The following PRELID2 variants were observed in gnomAD, a reference collection of about 807,000 sequenced individuals.
PRELID2 encodes the protein PRELI domain containing 2.
A neutral mutation model predicts 28.4 loss-of-function variants in PRELID2; 25 were observed. That is an observed-to-expected ratio of 0.88 (90% confidence interval 0.64 to 1.23). PRELID2 has a LOEUF of 1.23. Among genes scored for constraint, PRELID2 ranks in the 50% most tolerant of loss-of-function variants. PRELID2 has a pLI of 0.00. For synonymous variants in PRELID2, 76 were observed against 71.6 expected (o/e 1.06, Z -0.31); for missense variants, 201 against 214.4 (o/e 0.94, Z 0.39).
chr5:145,704,548 C>T (rs1218867059), intron 1 of PRELID2, among the ~76,000 whole-genome samples: 2 of 152,166 alleles, frequency 1.3e-5, no homozygotes, highest in Non-Finnish European at 2.9e-5. Context: ...TAATTTCTTC[C>T]TCTGTAAAAT....
chr5:145,646,200 G>A (rs1311986216), intron 1 of PRELID2, among the ~76,000 whole-genome samples: 1 of 152,072 alleles, frequency 6.6e-6, no homozygotes, highest in Admixed American at 6.5e-5. Context: ...TTTTCACATA[G>A]TCTCATATTT....
intron 1 of PRELID2, among the ~76,000 whole-genome samples, chr5:145,630,226 A>T (rs547341979): frequency 3.7e-4 from 57 of 152,086 alleles, no homozygotes; most frequent in African/African-American, 1.2e-3. Flanking sequence ...CTCTCTAAAG[A>T]CCATTGGGTT....
chr5:145,645,338 C>CTT lies in PRELID2; in HGVS notation n.70+119591_70+119592dup, dbSNP rs35732947. On this transcript the variant is annotated intron_variant and non_coding_transcript_variant, in intron 1 of 2. Transcript: ENST00000510259. ...TCAGAGATTAGGATTGCAACTCCTG[C>CTT]TTTTTTTTTTTTTTTTTTTTTTTTT... is the stretch of plus-strand genomic sequence containing the variant. Among the ~76,000 whole-genome samples the CTT allele has an allele frequency of 1.9e-3, 91 of 47,854 alleles. 5 individuals are homozygous for CTT. Among genetic ancestry groups the CTT allele is most frequent in the African/African-American group, 6.8e-3 (57 of 8,404 alleles). The allele number at this position is 47,854 out of a possible 152,430, so 31.4% of individuals were successfully genotyped here.
chr5:145,663,567 G>A (rs1754533650), intron 1 of PRELID2, among the ~76,000 whole-genome samples: 1 of 152,130 alleles, frequency 6.6e-6, no homozygotes, highest in Admixed American at 6.5e-5. Flanking sequence ...ATTTGGTAGT[G>A]AAACAACTAC....
chr5:145,619,360 G>A (rs1753743354), intron 1 of PRELID2, among the ~76,000 whole-genome samples: 1 of 152,224 alleles, frequency 6.6e-6, no homozygotes, highest in African/African-American at 2.4e-5. Flanking sequence ...GACGCAGGAA[G>A]CTCCCAGGGC....
chr5:145,706,243 G>C (rs1014909868), intron 1 of PRELID2, among the ~76,000 whole-genome samples: 1 of 152,150 alleles, frequency 6.6e-6, no homozygotes, highest in Non-Finnish European at 1.5e-5. Flanking sequence ...GCTCCGGGTC[G>C]CACTGGAAGC....
At chr5:145,253,030 A>G in the PRELID2 span, among the ~76,000 whole-genome samples, 1 of 152,188 alleles carries the variant, frequency 6.6e-6, no homozygotes, top group African/African-American at 2.4e-5. Context: ...AGGAAGCAAC[A>G]GAAAGAGAGA....
Position 145,500,716 on chromosome 5 carries a change from T to A in PRELID2, n.71-27401A>T, listed in dbSNP as rs188350629. Among the ~76,000 whole-genome samples, 8 of 152,222 alleles carry A rather than the reference T, an allele frequency of 5.3e-5. No homozygotes were observed. The East Asian group carries it at 1.5e-3, about 29-fold the overall frequency. ...TGTAGGAAAGAGAGGGAAGAGTAGCTTGGGCACGAGGCATCAAAAGAAGCA... is the reference window on the plus strand; with the variant it reads ...TGTAGGAAAGAGAGGGAAGAGTAGCATGGGCACGAGGCATCAAAAGAAGCA... On this transcript the variant is annotated intron_variant and non_coding_transcript_variant, in intron 1 of 2. Coordinates refer to the PRELID2 transcript ENST00000510259.
chr5:145,688,448 A>T (rs17103621), intron 1 of PRELID2, among the ~76,000 whole-genome samples: 15,024 of 152,194 alleles, frequency 0.099, 1,027 homozygotes, highest in Admixed American at 0.2. Flanking sequence ...TCAGCTACCT[A>T]TTGAGTTCTA....
At chr5:145,252,199 T>C in the PRELID2 span, among the ~76,000 whole-genome samples, 1 of 152,134 alleles carries the variant, frequency 6.6e-6, no homozygotes, top group Non-Finnish European at 1.5e-5. Flanking sequence ...AGGTGATGGA[T>C]GGGAATCTCT....
intron 1 of PRELID2, among the ~76,000 whole-genome samples, chr5:145,478,118 G>A (rs1048460637): frequency 1.3e-5 from 2 of 152,004 alleles, no homozygotes; most frequent in Non-Finnish European, 2.9e-5. Flanking sequence ...CTCACCACTC[G>A]AGCCCTTGTT....
intron 1 of PRELID2, among the ~76,000 whole-genome samples, chr5:145,504,848 T>G (rs1340099424): frequency 6.6e-6 from 1 of 152,148 alleles, no homozygotes; most frequent in Non-Finnish European, 1.5e-5. Context: ...GTAACCTAGT[T>G]TCCTGGGATG....
chr5:145,472,231 T>C (rs1274828664), intron 2 of PRELID2: 1 of 152,136 alleles, frequency 6.6e-6, no homozygotes, highest in Non-Finnish European at 1.5e-5. Flanking sequence ...AATTATGGTA[T>C]GATTAAGAAA....
the PRELID2 span, among the ~76,000 whole-genome samples, chr5:145,323,382 A>G: frequency 6.6e-6 from 1 of 152,326 alleles, no homozygotes; most frequent in Admixed American, 6.5e-5. Flanking sequence ...AAGCCATTAA[A>G]GAGTGTTAAG....
intron 4 of PRELID2, among the ~76,000 whole-genome samples, chr5:145,812,932 C>T (rs1390125162): frequency 6.6e-6 from 1 of 152,186 alleles, no homozygotes; most frequent in Non-Finnish European, 1.5e-5. Context: ...GGGGGAAAGC[C>T]CAATGTAGTT....
the PRELID2 span, among the ~76,000 whole-genome samples, chr5:145,444,845 G>C: frequency 6.6e-6 from 1 of 151,948 alleles, no homozygotes; most frequent in African/African-American, 2.4e-5. Context: ...TTCATCTAAA[G>C]AGATAAAGAA....
the PRELID2 span, among the ~76,000 whole-genome samples, chr5:145,234,322 A>G: frequency 2.0e-5 from 3 of 152,164 alleles, no homozygotes; most frequent in Non-Finnish European, 4.4e-5. Context: ...TGAGATAGGT[A>G]TTATTATTTA....
the PRELID2 span, among the ~76,000 whole-genome samples, chr5:145,395,573 A>G: frequency 4.6e-5 from 7 of 152,136 alleles, no homozygotes; most frequent in African/African-American, 9.7e-5. Flanking sequence ...CAGCCACTCC[A>G]TTTGCTTTCT....
intron 1 of PRELID2, among the ~76,000 whole-genome samples, chr5:145,662,301 A>G (rs1001640899): frequency 2.0e-5 from 3 of 152,146 alleles, no homozygotes; most frequent in African/African-American, 4.8e-5. Flanking sequence ...CTGGATTCGC[A>G]TAAGAGAAAA....
Sources: allele counts gnomAD v4.1 joint callset (sites outside exome capture counted in the v4.1 genomes callset), GRCh38; gene constraint gnomAD v4.1.1; transcripts MANE v1.5; gene names NCBI Gene and HGNC (gene_info 2026-07-23, HGNC 2026-07-21).